GPS1: variants seen among roughly 807,000 people sequenced by gnomAD.
The protein encoded by GPS1 is COP9 signalosome complex subunit 1.
Under a neutral mutation model 60.0 loss-of-function variants are expected in GPS1, and 11 were observed. The observed-to-expected ratio is 0.18, with a 90% CI of 0.12 to 0.30. The LOEUF is 0.30. GPS1 is among the 10% of genes least tolerant of loss of function. The probability of loss-of-function intolerance (pLI) is 1.00; values close to 1 mark genes in which losing one functional copy is unlikely to be tolerated. For missense variants in GPS1, 543 were observed against 669.2 expected, an observed-to-expected ratio of 0.81 and a Z score of 2.08; for synonymous variants, 343 against 269.8, an observed-to-expected ratio of 1.27 and a Z score of -2.66.
At chr17:82,055,605 C>G in intron 6 of GPS1, 135 bp from the exon 7 acceptor site, 3 of 650,036 alleles carry the variant, frequency 4.6e-6, no homozygotes, top group African/African-American at 3.6e-5. Flanking sequence ...CGCTGAGGAA[C>G]AGCTCCCGGG....
upstream of GPS1, chr17:82,051,784 C>G (rs1463485440): frequency 4.5e-6 from 5 of 1,116,468 alleles, no homozygotes; most frequent in South Asian, 4.3e-5. This position sits in a 1 kb window ranked among gnomAD's most constrained non-coding sequence, Gnocchi z 4.1. Context: ...CCGGGACCCC[C>G]GGCGCTGCGA....
chr17:82,051,334 G>A, upstream of GPS1: 8 of 1,461,518 alleles, frequency 5.5e-6, no homozygotes, highest in South Asian at 1.6e-5. The surrounding 1 kb of genome is among the most constrained non-coding windows in gnomAD (Gnocchi z 4.1). Context: ...CGTCGGTGAA[G>A]ATAAACGTCT....
Position 82,057,175 on chromosome 17 carries a change from A to G in GPS1, c.*48A>G. 1 of 1,576,352 alleles carries G rather than the reference A, an allele frequency of 6.3e-7. No homozygotes were observed. Among genetic ancestry groups the G allele is most frequent in the South Asian group, 1.2e-5 (1 of 86,746 alleles). On this transcript the variant is annotated 3_prime_UTR_variant, in exon 13 of 13. Coordinates refer to ENST00000578552, the MANE Select transcript of GPS1 (RefSeq NM_001321092.3). Reference sequence around the variant, plus strand: ...ACATCTGCACCCCCTCCCCACCTCCACGGACCTCGGACCTCCAGGCGGCTC... The same window carrying G: ...ACATCTGCACCCCCTCCCCACCTCCGCGGACCTCGGACCTCCAGGCGGCTC...
intron 8 of GPS1, 36 bp from the exon 9 acceptor site, chr17:82,056,250 G>A (rs371695319): frequency 1.0e-4 from 151 of 1,472,410 alleles, no homozygotes; most frequent in Middle Eastern, 5.2e-4. Flanking sequence ...GGAGGGGCAG[G>A]CAGAGGACAG....
rs34689427 is a variant in GPS1, at chr17:82,056,396, G to GC, written c.1035+9dup. 8.7e-6 allele frequency: 14 copies of GC among 1,612,546 alleles called. No homozygotes were observed. The highest frequency in any genetic ancestry group is 1.2e-5 in the Non-Finnish European group (14 of 1,179,508). The stretch of plus-strand genomic sequence containing the variant: ...AAGATGCTGGACGAGATGAAGGTGG[G>GC]CCCCGCCTGGGGTAGGGGTGAGGTG... On this transcript the variant is annotated splice_donor_region_variant and intron_variant, in intron 9 of 12. Transcript: ENST00000578552.
chr17:82,050,950 A>T (rs2144232208), upstream of GPS1: 1 of 1,424,478 alleles, frequency 7.0e-7, no homozygotes, highest in Non-Finnish European at 9.2e-7. Flanking sequence ...CCGAGGCTGA[A>T]GCAGGCGGCC....
chr17:82,055,108 C>G, intron 5 of GPS1, 54 bp from the exon 6 acceptor site: 1 of 1,564,906 alleles, frequency 6.4e-7, no homozygotes, highest in Non-Finnish European at 8.7e-7. Flanking sequence ...GGCTGGGCAT[C>G]GAGCTCTAGG....
rs1416774684 is a variant in GPS1, at chr17:82,051,981, GC to G, written c.33+21del. The G allele has an allele frequency of 8.6e-7, 1 of 1,156,508 alleles. No homozygotes were observed. 71.6% of individuals were successfully genotyped at this position (1,156,508 alleles called of 1,614,324 possible). ...AACTTGCAGGTAACGAGCCGAGGCC[GC>G]CCCGGGCCTCCGCGCCCCCGCGCCC... On this transcript the variant is annotated intron_variant, in intron 1 of 12. Transcript: ENST00000578552. The surrounding 1 kb of genome is among the most constrained non-coding windows in gnomAD (Gnocchi z 4.1).
chr17:82,051,580 C>T (rs1385771186), upstream of GPS1: 2 of 1,340,878 alleles, frequency 1.5e-6, no homozygotes, highest in Non-Finnish European at 1.9e-6. This position sits in a 1 kb window ranked among gnomAD's most constrained non-coding sequence, Gnocchi z 4.1. Flanking sequence ...GTCTTGACGG[C>T]GATGAAGACG....
chr17:82,055,716 C>T (rs1410033251), intron 6 of GPS1, 24 bp from the exon 7 acceptor site: 2 of 1,512,142 alleles, frequency 1.3e-6, no homozygotes, highest in Non-Finnish European at 1.8e-6. Context: ...CTCCCCCCTC[C>T]CCGCCCCCGG....
chr17:82,052,453 C>T lies in GPS1; in HGVS notation c.33+489C>T, dbSNP rs764326046. The T allele has an allele frequency of 2.5e-6, 4 of 1,611,074 alleles. No homozygotes were observed. In the South Asian group the frequency reaches 4.4e-5, roughly 18 times the overall value. ...CCAGCCTGTCGGCCTGTACGCTGCT[C>T]TACGAGGTACCTTCCAGGACAGGGA... On this transcript the variant is annotated intron_variant, in intron 1 of 12. Transcript: ENST00000578552.
chr17:82,051,975 G>A lies in GPS1; in HGVS notation c.33+11G>A. ...GTGTTTAACTTGCAGGTAACGAGCC[G>A]AGGCCGCCCCGGGCCTCCGCGCCCC... On this transcript the variant is annotated intron_variant, in intron 1 of 12. Coordinates refer to ENST00000578552, the MANE Select transcript of GPS1 (RefSeq NM_001321092.3). The surrounding 1 kb of genome is among the most constrained non-coding windows in gnomAD (Gnocchi z 4.1). The A allele has an allele frequency of 1.7e-6, 2 of 1,159,442 alleles. No homozygotes were observed. The highest frequency in any genetic ancestry group is 1.6e-5 in the African/African-American group (1 of 61,368). The allele number at this position is 1,159,442 out of a possible 1,614,324, so 71.8% of individuals were successfully genotyped here.
At chr17:82,054,414 G>A (rs1172757917) in intron 3 of GPS1, 96 bp from the exon 4 acceptor site, 4 of 1,414,070 alleles carry the variant, frequency 2.8e-6, no homozygotes, top group Admixed American at 5.7e-5. Flanking sequence ...CTGTGTGCCG[G>A]TTGGGCCTTT....
chr17:82,053,650 C>T, intron 2 of GPS1: 2 of 569,850 alleles, frequency 3.5e-6, no homozygotes, highest in Non-Finnish European at 6.1e-6. Context: ...CCCCCGGGTG[C>T]AGGGTCCCAC....
chr17:82,056,396 G>GCC lies in GPS1; in HGVS notation c.1035+8_1035+9dup, dbSNP rs34689427. On this transcript the variant is annotated splice_donor_region_variant and intron_variant, in intron 9 of 12. Transcript: ENST00000578552. ...AAGATGCTGGACGAGATGAAGGTGGGCCCCGCCTGGGGTAGGGGTGAGGTG... is the reference window on the plus strand; with the variant it reads ...AAGATGCTGGACGAGATGAAGGTGGGCCCCCCGCCTGGGGTAGGGGTGAGGTG... The GCC allele has an allele frequency of 0.084, 136,215 of 1,612,526 alleles. 5,941 individuals are homozygous for GCC. The highest frequency in any genetic ancestry group is 0.11 in the Admixed American group (6,580 of 60,008).
rs1027452291 is a variant in GPS1 at position 82,055,266 on chromosome 17, T to C, written c.748+44T>C. ...CCCAGCTGACCCCACGTTCCCCTGT[T>C]GCTAAGTCCTCCCAGCCCAGGGCAG... is the stretch of plus-strand genomic sequence containing the variant. On this transcript the variant is annotated intron_variant, in intron 6 of 12. Coordinates refer to ENST00000578552, the MANE Select transcript of GPS1 (RefSeq NM_001321092.3). 10 of 1,539,232 alleles carry C rather than the reference T, an allele frequency of 6.5e-6. No homozygotes were observed. The East Asian group carries it at 2.4e-4, about 38-fold the overall frequency.
chr17:82,056,875 C>T lies in GPS1; in HGVS notation c.1290C>T (p.Thr430=). 1.2e-6 allele frequency: 2 copies of T among 1,612,806 alleles called. No individual in the cohort carries two copies. The highest frequency in any genetic ancestry group is 1.7e-6 in the Non-Finnish European group (2 of 1,179,916). Residue 430 remains threonine, a synonymous_variant, in exon 12 of 13, where the codon ACC becomes ACT. Coordinates refer to ENST00000578552, the MANE Select transcript of GPS1 (RefSeq NM_001321092.3). ...LYARDVDQRS[T]TFEKSLLMGK... ...CCCGGGACGTGGATCAGCGCAGCAC[C>T]ACCTTTGAGAAGTCTCTGTTGATGG...
At chr17:82,057,009 T>G (rs192165772) in intron 12 of GPS1, 35 bp downstream of exon 12, 14 of 1,611,634 alleles carry the variant, frequency 8.7e-6, no homozygotes, top group East Asian at 2.2e-5. Context: ...GCGCACGGCG[T>G]GTGGGGCCTG....
intron 1 of GPS1, 51 bp downstream of exon 1, chr17:82,052,015 C>A: frequency 1.8e-6 from 2 of 1,130,790 alleles, no homozygotes; most frequent in Non-Finnish European, 2.2e-6. Context: ...CCCCCCGCCA[C>A]TGGGGCCGGG....
Sources: allele counts gnomAD v4.1 joint callset, GRCh38; gene constraint gnomAD v4.1.1; non-coding constraint Gnocchi (gnomAD v3.1); transcripts MANE v1.5; gene names NCBI Gene and HGNC (gene_info 2026-07-23, HGNC 2026-07-21).